Variants in NBPF19 observed in about 807,000 individuals in gnomAD.
The protein encoded by NBPF19 is NBPF family member NBPF19.
NBPF19 carries 30 observed loss-of-function variants against 45.9 expected under a neutral mutation model. That is an observed-to-expected ratio of 0.65 (90% CI 0.49 to 0.89). NBPF19 has a LOEUF of 0.89. NBPF19 is among the 40% of genes least tolerant of loss of function. The pLI is 0.00. For synonymous variants in NBPF19, 183 were observed against 181.2 expected (o/e 1.01, Z -0.08); for missense variants, 495 against 471.8 (o/e 1.05, Z -0.46).
At position 149,519,783 on chromosome 1, in the gene NBPF19, C is replaced by CGT; in HGVS notation, c.5978_5979insGT (p.Asp1994LeufsTer94). The stretch of plus-strand genomic sequence containing the variant: ...ACTCCTTCCAGTTGTCTTGAACAGC[C>CGT]TGACTCCTGCCAGCCCTATGGAAGT... On this transcript the variant is annotated frameshift_variant, in exon 50 of 94. Coordinates refer to ENST00000651566, the MANE Select transcript of NBPF19 (RefSeq NM_001351365.2). LOFTEE classifies it high-confidence loss of function. 1 of 49,730 alleles carries CGT rather than the reference C, an allele frequency of 2.0e-5. No homozygotes were observed. Among genetic ancestry groups the CGT allele is most frequent in the Non-Finnish European group, 3.2e-5 (1 of 31,084 alleles). The allele number at this position is 49,730 out of a possible 1,614,324, so 3.1% of individuals were successfully genotyped here.
intron 10 of NBPF19, among the ~76,000 whole-genome samples, chr1:149,488,426 T>G (rs1183657515): frequency 3.6e-5 from 5 of 140,258 alleles, no homozygotes; most frequent in Non-Finnish European, 7.6e-5. Context: ...CCTACTCTCA[T>G]GACGTTGGAC....
At chr1:149,514,701 G>C (rs1425848175) in intron 43 of NBPF19, among the ~76,000 whole-genome samples, 3 of 72,890 alleles carry the variant, frequency 4.1e-5, no homozygotes, top group African/African-American at 1.5e-4. Context: ...CTCTGTGTGT[G>C]TGTGTGTGTG....
At chr1:149,487,122 C>A in intron 8 of NBPF19, among the ~76,000 whole-genome samples, 1 of 150,330 alleles carries the variant, frequency 6.7e-6, no homozygotes, top group East Asian at 2.0e-4. Flanking sequence ...AGATAACATT[C>A]CAACACAGGG....
rs1156525563 is a variant in NBPF19, at chr1:149,487,912, T to C, written c.1041-101T>C. The stretch of plus-strand genomic sequence containing the variant: ...TACCTCACTAATGGATCTCTCCTTT[T>C]TCTTTTCAAACTCTTCCTTATGTTA... On this transcript the variant is annotated intron_variant, in intron 9 of 93. Coordinates refer to ENST00000651566, the MANE Select transcript of NBPF19 (RefSeq NM_001351365.2). 1.3e-5 allele frequency: 10 copies of C among 743,094 alleles called. No homozygotes were observed. In the African/African-American group the frequency reaches 1.4e-4, roughly 10 times the overall value. 46.0% of individuals were successfully genotyped at this position (743,094 alleles called of 1,614,324 possible). A position where few individuals can be genotyped will look rare whatever the true frequency, so the allele number is the denominator to read the frequency against.
chr1:149,486,278 G>A lies in NBPF19; in HGVS notation c.973G>A (p.Ala325Thr). 3.4e-6 allele frequency: 2 copies of A among 580,574 alleles called. No homozygotes were observed. The highest frequency in any genetic ancestry group is 6.1e-6 in the Non-Finnish European group (2 of 330,568). 36.0% of individuals were successfully genotyped at this position (580,574 alleles called of 1,614,324 possible). A position where few individuals can be genotyped will look rare whatever the true frequency, so the allele number is the denominator to read the frequency against. ...ATTAGAGGAACAGCAAGTCTGCATG[G>A]CTGTTGACATAGGCAGTGAGTACTC... ...HSLEEQQVCM[A>T]VDIGRHRWDQ... The change falls in exon 8 of 94, where the codon GCT (alanine) becomes ACT (threonine). Residue 325 changes from alanine (A) to threonine (T), a missense_variant. Physicochemically the swap from Ala to Thr is moderately conservative, Grantham distance 58. This residue lies in a region of NBPF19 where 146 missense variants were observed against 67.3 expected (regional missense o/e 2.17). Transcript: ENST00000651566.
intron 2 of NBPF19, among the ~76,000 whole-genome samples, chr1:149,477,082 G>A (rs1216549835): frequency 4.0e-5 from 6 of 149,644 alleles, no homozygotes; most frequent in Non-Finnish European, 7.5e-5. Context: ...AAGCAGCAGT[G>A]CAGTGTGCAA....
intron 9 of NBPF19, among the ~76,000 whole-genome samples, chr1:149,487,681 G>T (rs2085653285): frequency 4.0e-5 from 6 of 149,908 alleles, no homozygotes. Context: ...TGCTTTTCAT[G>T]ATCACTGTTC....
At chr1:149,519,475 G>A (rs1362273914) in intron 49 of NBPF19, among the ~76,000 whole-genome samples, 5 of 48,800 alleles carry the variant, frequency 1.0e-4, no homozygotes, top group Non-Finnish European at 1.2e-4. Context: ...GTGTGTGTGT[G>A]TGTGTGTGTG....
chr1:149,554,046 T>C lies in NBPF19; in HGVS notation c.11288+164T>C. 3.5e-5 allele frequency among the ~76,000 whole-genome samples: 4 copies of C among 113,768 alleles called. No individual in the cohort carries two copies. The East Asian group carries it at 1.0e-3, about 29-fold the overall frequency. The allele number at this position is 113,768 out of a possible 152,430, so 74.6% of individuals were successfully genotyped here. A position where few individuals can be genotyped will look rare whatever the true frequency, so the allele number is the denominator to read the frequency against. ...TGCAGTAGATGTTTAGGTTTCCATT[T>C]CTTCCTCCCCTTATCATTTACTAGC... is the stretch of plus-strand genomic sequence containing the variant. On this transcript the variant is annotated intron_variant, in intron 93 of 93. Transcript: ENST00000651566.
In NBPF19 at chr1:149,487,819, G is replaced by GTT. The variant is rs1470359862; in HGVS notation, c.1041-193_1041-192insTT. Among the ~76,000 whole-genome samples, 7 of 144,222 alleles carry GTT rather than the reference G, an allele frequency of 4.9e-5. No homozygotes were observed. In the Admixed American group the frequency reaches 5.0e-4, roughly 10 times the overall value. The allele number at this position is 144,222 out of a possible 152,430, so 94.6% of individuals were successfully genotyped here. A position where few individuals can be genotyped will look rare whatever the true frequency, so the allele number is the denominator to read the frequency against. On this transcript the variant is annotated intron_variant, in intron 9 of 93. Coordinates refer to ENST00000651566, the MANE Select transcript of NBPF19 (RefSeq NM_001351365.2). ...TGTGTGTGTGTGTGTGTGTGTGTGT[G>GTT]TGTGTCTTTCTCGTTCATCCTTTTC...
intron 3 of NBPF19, among the ~76,000 whole-genome samples, chr1:149,478,343 T>C (rs2101547496): frequency 6.6e-6 from 1 of 151,342 alleles, no homozygotes; most frequent in South Asian, 2.1e-4. Context: ...TTCAGTATAA[T>C]CAAAATGGTG....
In NBPF19 at chr1:149,488,165, G is replaced by A; in HGVS notation, c.1193G>A (p.Gly398Asp). Residue 398 changes from glycine to aspartate, a missense_variant, in exon 10 of 94, where the codon GGC (glycine) becomes GAC (aspartate). Transcript: ENST00000651566. Reference protein sequence around the residue: ...AFYVLEQQRVGLAIDMDEIEK... With the variant: ...AFYVLEQQRVDLAIDMDEIEK... ...TACGTATTGGAGCAACAGCGTGTTG[G>A]CTTGGCTATTGACATGGATGGTGAG... is the stretch of plus-strand genomic sequence containing the variant. 3 of 673,526 alleles carry A rather than the reference G, an allele frequency of 4.5e-6. No individual in the cohort carries two copies. Among genetic ancestry groups the A allele is most frequent in the South Asian group, 1.7e-5 (1 of 60,178 alleles). 41.7% of individuals were successfully genotyped at this position (673,526 alleles called of 1,614,324 possible).
rs1209013664 is a variant in NBPF19 at position 149,555,064 on chromosome 1, A to G, written c.*326A>G. On this transcript the variant is annotated 3_prime_UTR_variant, in exon 94 of 94. Transcript: ENST00000651566. ...TTTGCAGGCATGTCTCTGAGCTTCT[A>G]TACCTGCTCAAGGTCAGTGTCATCT... 2.5e-5 allele frequency: 10 copies of G among 406,256 alleles called. No homozygotes were observed. Among genetic ancestry groups the G allele is most frequent in the South Asian group, 2.4e-4 (10 of 41,886 alleles). The allele number at this position is 406,256 out of a possible 1,614,324, so 25.2% of individuals were successfully genotyped here.
chr1:149,554,652 G>T lies in NBPF19; in HGVS notation c.11446G>T (p.Ala3816Ser), dbSNP rs1366906104. 6 of 1,608,132 alleles carry T rather than the reference G, an allele frequency of 3.7e-6. No individual in the cohort carries two copies. The highest frequency in any genetic ancestry group is 2.2e-5 in the East Asian group (1 of 44,858). Residue 3816 changes from alanine (A) to serine (S), a missense_variant, in exon 94 of 94, where the codon GCC (alanine) becomes TCC (serine). Ala to Ser is a moderately conservative substitution (Grantham distance 99). Transcript: ENST00000651566. ...YSFEEEHISFALYLDNRFFTL... is the reference protein window; with the variant it reads ...YSFEEEHISFSLYLDNRFFTL... The stretch of plus-strand genomic sequence containing the variant: ...ATTTGAGGAAGAGCATATCAGCTTC[G>T]CCCTTTACTTGGACAATAGGTTTTT...
At chr1:149,483,414 C>G (rs2085321125) in intron 7 of NBPF19, among the ~76,000 whole-genome samples, 1 of 83,648 alleles carries the variant, frequency 1.2e-5, no homozygotes, top group Non-Finnish European at 2.4e-5. Flanking sequence ...TATTTTGAGC[C>G]TATGTGTGTC....
In NBPF19 at chr1:149,475,510, G is replaced by C. The variant is rs1407206928; in HGVS notation, c.-321G>C. The C allele has an allele frequency of 3.2e-6, 2 of 632,906 alleles. No individual in the cohort carries two copies. The highest frequency in any genetic ancestry group is 2.9e-5 in the Admixed American group (1 of 34,902). 39.2% of individuals were successfully genotyped at this position (632,906 alleles called of 1,614,324 possible). On this transcript the variant is annotated 5_prime_UTR_variant, in exon 1 of 94. The change abolishes an upstream ATG in the 5' untranslated region. Coordinates refer to ENST00000651566, the MANE Select transcript of NBPF19 (RefSeq NM_001351365.2). ...TACTGAGAGTGAATGCTGAAGGAAT[G>C]ATCCCCATTGGTGGTGACCCTCAGG...
At chr1:149,487,973 T>C (rs1172587038) in intron 9 of NBPF19, 40 bp from the exon 10 acceptor site, 1 of 693,888 alleles carries the variant, frequency 1.4e-6, no homozygotes, top group Admixed American at 2.1e-5. Flanking sequence ...TGGTTTCTGA[T>C]TCCCCCTGGC....
At position 149,490,952 on chromosome 1, in the gene NBPF19, G is replaced by T. The variant is rs1360385814; in HGVS notation, c.1491-187G>T. On this transcript the variant is annotated intron_variant, in intron 13 of 93. Coordinates refer to ENST00000651566, the MANE Select transcript of NBPF19 (RefSeq NM_001351365.2). ...TGTGTGTGTGTGTGTGTGTCCATCT[G>T]TCTCTTTCATTCTTTTCCATTTGGC... 9.7e-5 allele frequency among the ~76,000 whole-genome samples: 13 copies of T among 133,924 alleles called. 3 individuals are homozygous for T. Among genetic ancestry groups the T allele is most frequent in the East Asian group, 2.5e-4 (1 of 3,984 alleles). 87.9% of individuals were successfully genotyped at this position (133,924 alleles called of 152,430 possible).
At position 149,554,714 on chromosome 1, in the gene NBPF19, G is replaced by T. The variant is rs1351133331; in HGVS notation, c.11508G>T (p.Gln3836His). ...TGACAAGTCTCCATCTGGTGTTCCA[G>T]ATGTTAGTCATATTCCCACAATAGG... Reference protein sequence around the residue: ...LTVTSLHLVFQMLVIFPQ With the variant: ...LTVTSLHLVFHMLVIFPQ The change falls in exon 94 of 94, where the codon CAG becomes CAT. Residue 3836 changes from glutamine to histidine, a missense_variant. Physicochemically the swap from Gln to His is conservative, Grantham distance 24 (BLOSUM62 0). This residue lies in a region of NBPF19 where 248 missense variants were observed against 95.4 expected (regional missense o/e 2.60). Coordinates refer to ENST00000651566, the MANE Select transcript of NBPF19 (RefSeq NM_001351365.2). The T allele has an allele frequency of 1.1e-5, 17 of 1,608,152 alleles. No homozygotes were observed. Among genetic ancestry groups the T allele is most frequent in the South Asian group, 9.9e-5 (9 of 90,898 alleles).
Sources: allele counts gnomAD v4.1 joint callset (sites outside exome capture counted in the v4.1 genomes callset), GRCh38; gene constraint gnomAD v4.1.1; regional missense constraint gnomAD v4.1.1; transcripts MANE v1.5; gene names NCBI Gene and HGNC (gene_info 2026-07-23, HGNC 2026-07-21).